Variants in TTC6 observed in about 807,000 individuals in gnomAD.
TTC6 encodes the protein tetratricopeptide repeat protein 6.
TTC6 carries 172 observed loss-of-function variants against 210.4 expected under a neutral mutation model. The ratio of observed to expected loss-of-function variants is 0.82; its 90% CI spans 0.72 to 0.93. The LOEUF (loss-of-function observed/expected upper bound fraction) is 0.93, where lower values mean the gene tolerates loss of function less well. TTC6 is among the 40% of genes least tolerant of loss of function. The pLI is 0.00. For synonymous variants in TTC6, 804 were observed against 819.6 expected (o/e 0.98, Z 0.32); for missense variants, 2,414 against 2,318.1 (o/e 1.04, Z -0.85).
At chr14:37,719,289 T>C (rs969709588) in intron 6 of TTC6, among the ~76,000 whole-genome samples, 2 of 151,788 alleles carry the variant, frequency 1.3e-5, no homozygotes, top group African/African-American at 2.4e-5. Context: ...CAAATTGATA[T>C]ACAGATTTAA....
At position 37,751,050 on chromosome 14, in the gene TTC6, T is replaced by C. The variant is rs1290332334; in HGVS notation, c.2957-3T>C. ...CAAATTTTATCTTTTTAATTTTCTT[T>C]AGAGGCATATTTGTCAAAAGCAGAA... On this transcript the variant is annotated splice_region_variant and splice_polypyrimidine_tract_variant and intron_variant, in intron 12 of 30. Coordinates refer to ENST00000553443, the Ensembl canonical transcript of TTC6. 2.0e-6 allele frequency: 3 copies of C among 1,511,844 alleles called. No individual in the cohort carries two copies. The highest frequency in any genetic ancestry group is 2.6e-6 in the Non-Finnish European group (3 of 1,134,050). 93.7% of individuals were successfully genotyped at this position (1,511,844 alleles called of 1,614,324 possible).
intron 20 of TTC6, among the ~76,000 whole-genome samples, chr14:37,801,364 T>A (rs2096106168): frequency 6.6e-6 from 1 of 152,134 alleles, no homozygotes; most frequent in Admixed American, 6.6e-5. Flanking sequence ...ATATTTTGCG[T>A]GTGGCAAGAA....
chr14:37,827,481 T>C, intron 29 of TTC6, 115 bp downstream of exon 31: 1 of 914,988 alleles, frequency 1.1e-6, no homozygotes, highest in East Asian at 2.5e-5. Context: ...GGCTATTAGC[T>C]CTTTTATTTA....
chr14:37,749,274 C>A, exon 11 of TTC6: 1 of 1,525,310 alleles, frequency 6.6e-7, no homozygotes, highest in Non-Finnish European at 8.8e-7. Context: ...TATTATGAAT[C>A]TGAAGTGAAG....
At chr14:37,823,595 G>A in intron 26 of TTC6, 152 bp from the exon 29 acceptor site, 1 of 695,976 alleles carries the variant, frequency 1.4e-6, no homozygotes, top group East Asian at 2.7e-5. Context: ...ATGGACTTAT[G>A]TGCCTACCTC....
rs1280877045 is a variant in TTC6 at position 37,719,678 on chromosome 14, T to TTAAAATAA, written c.1713+4883_1713+4884insAAAATAAT. ...CAGAAAAAGAACCCTGACCTAAGTC[T>TTAAAATAA]TGCATCCTATAAAAAATGTACTTAA... On this transcript the variant is annotated intron_variant, in intron 6 of 30. Transcript: ENST00000553443. Among the ~76,000 whole-genome samples, 4 of 152,284 alleles carry TTAAAATAA rather than the reference T, an allele frequency of 2.6e-5. No homozygotes were observed. The East Asian group carries it at 7.7e-4, about 29-fold the overall frequency.
Position 37,819,897 on chromosome 14 carries a change from G to A in TTC6, c.4763+2246G>A, listed in dbSNP as rs74798015. On this transcript the variant is annotated intron_variant, in intron 26 of 30. Coordinates refer to ENST00000553443, the Ensembl canonical transcript of TTC6. ...CATGATCCCTTGTTCACAGAACGTC[G>A]TAAGTAGAATCATGCACCTCCAGTA... is the stretch of plus-strand genomic sequence containing the variant. 2.0e-3 allele frequency among the ~76,000 whole-genome samples: 312 copies of A among 152,272 alleles called. 6 individuals are homozygous for A. The East Asian group carries it at 0.051, about 25-fold the overall frequency.
intron 7 of TTC6, among the ~76,000 whole-genome samples, chr14:37,726,105 T>C (rs2095872633): frequency 6.6e-6 from 1 of 152,196 alleles, no homozygotes; most frequent in Non-Finnish European, 1.5e-5. Flanking sequence ...TTTTTCTTGG[T>C]TACAATATTT....
intron 1 of TTC6, among the ~76,000 whole-genome samples, chr14:37,648,170 T>G (rs1398305301): frequency 6.6e-6 from 1 of 152,212 alleles, no homozygotes; most frequent in East Asian, 1.9e-4. Context: ...AGTTGGTGTT[T>G]AATGAAAGTG....
chr14:37,639,817 C>T (rs1461094425), intron 1 of TTC6, among the ~76,000 whole-genome samples: 2 of 146,732 alleles, frequency 1.4e-5, no homozygotes, highest in Non-Finnish European at 3.0e-5. Context: ...ACCCAGGAGG[C>T]GGAGGTTGCA....
At chr14:37,807,216 C>A in intron 22 of TTC6, 104 bp from the exon 25 acceptor site, 2 of 1,053,714 alleles carry the variant, frequency 1.9e-6, no homozygotes, top group Admixed American at 3.3e-5. Flanking sequence ...ATTTTAATAC[C>A]CTTTTTGGGA....
intron 5 of TTC6, among the ~76,000 whole-genome samples, chr14:37,707,387 T>G (rs951845628): frequency 6.6e-6 from 1 of 152,074 alleles, no homozygotes; most frequent in African/African-American, 2.4e-5. Flanking sequence ...GAATATCAAT[T>G]AGCTGTATGT....
intron 4 of TTC6, among the ~76,000 whole-genome samples, chr14:37,698,920 A>G (rs1449067066): frequency 6.6e-6 from 1 of 152,204 alleles, no homozygotes; most frequent in African/African-American, 2.4e-5. Flanking sequence ...TAAAGAAGTC[A>G]GTAATACAGT....
exon 1 of TTC6, chr14:37,622,157 G>A: frequency 2.0e-6 from 3 of 1,535,506 alleles, no homozygotes; most frequent in Non-Finnish European, 2.6e-6. Flanking sequence ...AAACTAAAAA[G>A]GATTTTCTCC....
Position 37,615,965 on chromosome 14 carries a change from G to A in TTC6, c.-154-6085G>A, listed in dbSNP as rs2095642023. ...ATTTTTGGACTATATCCTGGACATTGTGAATGTTTTGTCATGTAGAGTCTA... is the reference window on the plus strand; with the variant it reads ...ATTTTTGGACTATATCCTGGACATTATGAATGTTTTGTCATGTAGAGTCTA... On this transcript the variant is annotated intron_variant, in intron 2 of 2. Coordinates refer to the TTC6 transcript ENST00000556845. Among the ~76,000 whole-genome samples the A allele has an allele frequency of 2.0e-5, 3 of 152,338 alleles. No individual in the cohort carries two copies. The South Asian group carries it at 6.2e-4, about 32-fold the overall frequency.
At chr14:37,687,373 G>T (rs1050335682) in intron 3 of TTC6, among the ~76,000 whole-genome samples, 1 of 152,122 alleles carries the variant, frequency 6.6e-6, no homozygotes, top group South Asian at 2.1e-4. Context: ...CATGCTTGGA[G>T]GCTCCAAATA....
At chr14:37,761,442 G>C (rs548573072) in intron 14 of TTC6, among the ~76,000 whole-genome samples, 75 of 151,930 alleles carry the variant, frequency 4.9e-4, no homozygotes, top group East Asian at 3.1e-3. Context: ...CTTCCTATGC[G>C]GCCATCTTGG....
intron 1 of TTC6, among the ~76,000 whole-genome samples, chr14:37,659,508 C>T (rs138639948): frequency 6.9e-5 from 9 of 130,778 alleles, no homozygotes; most frequent in East Asian, 2.1e-4. Context: ...ATCTCGTTGT[C>T]GTTTTATTTT....
At chr14:37,750,576 AT>A (rs1179846348) in intron 12 of TTC6, among the ~76,000 whole-genome samples, 3 of 152,176 alleles carry the variant, frequency 2.0e-5, no homozygotes, top group African/African-American at 7.2e-5. Context: ...CAAATTTGGC[AT>A]TGTCGAAATC....
Sources: allele counts gnomAD v4.1 joint callset (sites outside exome capture counted in the v4.1 genomes callset), GRCh38; gene constraint gnomAD v4.1.1; transcripts MANE v1.5; gene names NCBI Gene and HGNC (gene_info 2026-07-23, HGNC 2026-07-21).